The following PTPDC1 variants were observed in gnomAD, a reference collection of about 807,000 sequenced individuals.
The protein encoded by PTPDC1 is protein tyrosine phosphatase domain-containing protein 1.
A neutral mutation model predicts 75.3 loss-of-function variants in PTPDC1; 53 were observed. The observed-to-expected ratio is 0.70, with a 90% CI of 0.56 to 0.88. The LOEUF (loss-of-function observed/expected upper bound fraction) is 0.88. PTPDC1 is among the 40% of genes least tolerant of loss of function. The probability of loss-of-function intolerance (pLI) is 0.00; values close to 1 mark genes in which losing one functional copy is unlikely to be tolerated. For missense variants in PTPDC1, 925 were observed against 998.6 expected (o/e 0.93, Z 0.99); for synonymous variants, 349 against 366.2 (o/e 0.95, Z 0.54).
intron 8 of PTPDC1, among the ~76,000 whole-genome samples, chr9:94,106,738 A>C (rs1828035288): frequency 6.6e-6 from 1 of 152,174 alleles, no homozygotes; most frequent in African/African-American, 2.4e-5. Context: ...GCAGAGAAGC[A>C]GTGATTGTGT....
intron 1 of PTPDC1, among the ~76,000 whole-genome samples, chr9:94,042,370 G>C (rs1447771632): frequency 6.6e-6 from 1 of 152,126 alleles, no homozygotes; most frequent in Non-Finnish European, 1.5e-5. Context: ...GCATGCCTCA[G>C]AGATATTGCA....
chr9:94,041,020 A>G (rs936818551), intron 1 of PTPDC1, among the ~76,000 whole-genome samples: 8 of 152,090 alleles, frequency 5.3e-5, no homozygotes, highest in African/African-American at 1.9e-4. Flanking sequence ...TTTCTACCTG[A>G]TAGTTGAGTT....
intron 1 of PTPDC1, among the ~76,000 whole-genome samples, chr9:94,048,127 C>G (rs1220499718): frequency 6.6e-6 from 1 of 152,152 alleles, no homozygotes. Flanking sequence ...AGCGGTCTAT[C>G]AATTTTGTTG....
intron 2 of PTPDC1, among the ~76,000 whole-genome samples, chr9:94,077,623 A>AC (rs1223020842): frequency 6.6e-6 from 1 of 152,190 alleles, no homozygotes. Context: ...ATCCATGCTG[A>AC]CCCCAAGTGT....
intron 1 of PTPDC1, among the ~76,000 whole-genome samples, chr9:94,052,608 C>T (rs1002327026): frequency 2.0e-5 from 3 of 151,938 alleles, no homozygotes; most frequent in Non-Finnish European, 4.4e-5. Context: ...TAGTTTTTGC[C>T]TTGTATTAAT....
chr9:94,084,919 A>G, intron 1 of PTPDC1, 145 bp downstream of exon 1: 2 of 622,224 alleles, frequency 3.2e-6, no homozygotes, highest in Admixed American at 3.5e-5. Context: ...TTTAGTGAAT[A>G]TATAAGAGGA....
chr9:94,034,079 T>C (rs1181563444), intron 1 of PTPDC1, among the ~76,000 whole-genome samples: 2 of 152,238 alleles, frequency 1.3e-5, no homozygotes, highest in Non-Finnish European at 2.9e-5. Flanking sequence ...TTACAGATTT[T>C]GATAAATGCT....
intron 2 of PTPDC1, among the ~76,000 whole-genome samples, chr9:94,078,823 CT>C (rs1826782142): frequency 6.6e-6 from 1 of 152,074 alleles, no homozygotes; most frequent in African/African-American, 2.4e-5. Context: ...CATTTGCTTC[CT>C]TTTTAAAATT....
chr9:94,077,766 C>G (rs10993044), intron 2 of PTPDC1, among the ~76,000 whole-genome samples: 22,345 of 152,128 alleles, frequency 0.15, 1,888 homozygotes, highest in East Asian at 0.28. Flanking sequence ...GCCCTCTCCC[C>G]TCCCCAGAAG....
At position 94,107,914 on chromosome 9, in the gene PTPDC1, G is replaced by T. The variant is rs1828078282; in HGVS notation, c.2397G>T (p.Met799Ile). 1 of 1,605,816 alleles carries T rather than the reference G, an allele frequency of 6.2e-7. No individual in the cohort carries two copies. Among genetic ancestry groups the T allele is most frequent in the South Asian group, 1.1e-5 (1 of 89,926 alleles). Residue 799 changes from methionine to isoleucine, a missense_variant, in exon 9 of 9, where the codon ATG becomes ATT. Transcript: ENST00000620992. ...FKHTLEEKRK[M>I]TKDGPKPGL is the part of the protein sequence containing the mutation. ...ACACGCTGGAAGAAAAAAGAAAAATGACAAAAGATGGCCCTAAGCCTGGCC... is the reference window on the plus strand; with the variant it reads ...ACACGCTGGAAGAAAAAAGAAAAATTACAAAAGATGGCCCTAAGCCTGGCC...
intron 5 of PTPDC1, among the ~76,000 whole-genome samples, chr9:94,096,456 A>T (rs1564032529): frequency 6.6e-6 from 1 of 152,212 alleles, no homozygotes; most frequent in African/African-American, 2.4e-5. Flanking sequence ...TGATTTTCAT[A>T]TGTAACAAGA....
intron 2 of PTPDC1, among the ~76,000 whole-genome samples, chr9:94,077,104 T>A (rs1826721110): frequency 6.6e-6 from 1 of 152,204 alleles, no homozygotes; most frequent in South Asian, 2.1e-4. Flanking sequence ...GGCTGTGCAG[T>A]CATCAACACT....
intron 4 of PTPDC1, 127 bp from the exon 5 acceptor site, chr9:94,095,190 T>G: frequency 1.6e-6 from 1 of 612,744 alleles, no homozygotes; most frequent in Non-Finnish European, 2.8e-6. Context: ...CCCTCTTATT[T>G]TATGCAGTGT....
At chr9:94,054,405 CTAAG>C (rs1457775489) in intron 1 of PTPDC1, among the ~76,000 whole-genome samples, 1 of 151,054 alleles carries the variant, frequency 6.6e-6, no homozygotes. Context: ...AGGGTAGGTA[CTAAG>C]TCTCAGAGAT....
chr9:94,048,190 G>A (rs1003700752), intron 1 of PTPDC1, among the ~76,000 whole-genome samples: 1 of 152,042 alleles, frequency 6.6e-6, no homozygotes, highest in Non-Finnish European at 1.5e-5. Flanking sequence ...AGGGTTTTTT[G>A]TGTCTCTATT....
chr9:94,067,399 A>C (rs35883789), intron 2 of PTPDC1, among the ~76,000 whole-genome samples: 1 of 149,294 alleles, frequency 6.7e-6, no homozygotes, highest in Non-Finnish European at 1.5e-5. Context: ...CAAAAAAAAA[A>C]AATAATAATA....
At chr9:94,070,854 T>G (rs1826491586) in intron 2 of PTPDC1, among the ~76,000 whole-genome samples, 1 of 152,222 alleles carries the variant, frequency 6.6e-6, no homozygotes, top group South Asian at 2.1e-4. Flanking sequence ...TTGAGTCCTT[T>G]TTATTGCTGA....
intron 4 of PTPDC1, among the ~76,000 whole-genome samples, chr9:94,091,025 A>T (rs1259649064): frequency 1.3e-5 from 2 of 152,148 alleles, no homozygotes; most frequent in East Asian, 3.9e-4. Context: ...TGTCGTCTGC[A>T]AACAGGGACA....
intron 3 of PTPDC1, 85 bp from the exon 4 acceptor site, chr9:94,088,056 GTAAT>G (rs1304983925): frequency 6.6e-7 from 1 of 1,508,606 alleles, no homozygotes; most frequent in African/African-American, 1.4e-5. Context: ...ATTTTTGAGA[GTAAT>G]TAATAATGTT....
Sources: gnomAD v4.1 joint callset for allele counts (sites outside exome capture counted in the v4.1 genomes callset) on GRCh38, gnomAD v4.1.1 for gene constraint, MANE v1.5 for transcripts, NCBI Gene and HGNC (gene_info 2026-07-23, HGNC 2026-07-21) for gene names.